MACROD2: variants seen among roughly 807,000 people sequenced by gnomAD.
The protein encoded by MACROD2 is mono-ADP ribosylhydrolase 2, also known as ADP-ribose glycohydrolase MACROD2.
Under a neutral mutation model 70.4 loss-of-function variants are expected in MACROD2, and 36 were observed. The observed-to-expected ratio is 0.51, with a 90% confidence interval of 0.39 to 0.68. The LOEUF is 0.68. Among genes scored for constraint, MACROD2 ranks in the 30% least tolerant of loss-of-function variants. The pLI is 0.00. For synonymous variants in MACROD2, 172 were observed against 178.8 expected (o/e 0.96, Z 0.30); for missense variants, 496 against 538.4 (o/e 0.92, Z 0.78).
intron 5 of MACROD2, among the ~76,000 whole-genome samples, chr20:14,962,557 A>G (rs574481068): frequency 1.9e-3 from 277 of 148,554 alleles, no homozygotes; most frequent in African/African-American, 6.3e-3. Flanking sequence ...CTCTGTCTCT[A>G]TATATATGTG....
At chr20:14,932,961 G>C (rs2074309154) in intron 5 of MACROD2, among the ~76,000 whole-genome samples, 1 of 152,124 alleles carries the variant, frequency 6.6e-6, no homozygotes, top group African/African-American at 2.4e-5. Flanking sequence ...ATTGTAATAT[G>C]ATGCCAGGGT....
chr20:15,152,196 C>T (rs1047857852), intron 5 of MACROD2, among the ~76,000 whole-genome samples: 4 of 151,906 alleles, frequency 2.6e-5, no homozygotes, highest in African/African-American at 9.7e-5. Context: ...GTATTGGGGT[C>T]AAGCGGCATT....
intron 8 of MACROD2, among the ~76,000 whole-genome samples, chr20:15,713,991 A>ACACC (rs372048702): frequency 8.5e-6 from 1 of 117,014 alleles, no homozygotes; most frequent in Non-Finnish European, 1.6e-5. Flanking sequence ...ACATATGCAC[A>ACACC]CACACACACA....
chr20:15,915,762 G>A (rs1020280414), intron 10 of MACROD2, among the ~76,000 whole-genome samples: 79 of 152,218 alleles, frequency 5.2e-4, no homozygotes, highest in African/African-American at 1.8e-3. Context: ...GGGGATGGGT[G>A]GAAGAGGATA....
At chr20:14,012,969 T>A (rs1470311286) in intron 2 of MACROD2, among the ~76,000 whole-genome samples, 1 of 152,214 alleles carries the variant, frequency 6.6e-6, no homozygotes, top group Non-Finnish European at 1.5e-5. Flanking sequence ...CTTGACTGAA[T>A]GGCGCCATGT....
chr20:14,064,702 C>T (rs368535502), intron 2 of MACROD2, among the ~76,000 whole-genome samples: 4 of 152,188 alleles, frequency 2.6e-5, no homozygotes, highest in African/African-American at 7.2e-5. Context: ...GGCTCCCTTT[C>T]AATCCTACTT....
chr20:14,255,670 A>G lies in MACROD2; in HGVS notation c.271+169942A>G, dbSNP rs538579676. Among the ~76,000 whole-genome samples the G allele has an allele frequency of 8.0e-4, 118 of 147,950 alleles. 1 individual carries two copies. In the South Asian group the frequency reaches 0.016, roughly 21 times the overall value. ...CTGCACATTGTGCACATGTACCCTA[A>G]TACTTAAAAGTATAATAAATAAATA... On this transcript the variant is annotated intron_variant, in intron 3 of 17. Transcript: ENST00000684519.
At chr20:15,398,205 T>C (rs1182271397) in intron 6 of MACROD2, among the ~76,000 whole-genome samples, 1 of 152,250 alleles carries the variant, frequency 6.6e-6, no homozygotes, top group Non-Finnish European at 1.5e-5. Flanking sequence ...TCTATTCCTA[T>C]CTACTTTTTG....
intron 3 of MACROD2, among the ~76,000 whole-genome samples, chr20:14,424,749 A>G (rs945773573): frequency 1.3e-5 from 2 of 152,200 alleles, no homozygotes; most frequent in African/African-American, 4.8e-5. Context: ...GCATCCCTGG[A>G]GCCCCAATCT....
chr20:14,847,495 T>G (rs1472051836), intron 5 of MACROD2, among the ~76,000 whole-genome samples: 3 of 151,050 alleles, frequency 2.0e-5, no homozygotes, highest in East Asian at 3.9e-4. Context: ...GTTTTTTTTT[T>G]TTTTTTTTTT....
At chr20:14,071,021 A>T (rs1052733397) in intron 2 of MACROD2, among the ~76,000 whole-genome samples, 1 of 152,076 alleles carries the variant, frequency 6.6e-6, no homozygotes, top group African/African-American at 2.4e-5. Flanking sequence ...AACATCCTTT[A>T]TATTGCTCAG....
intron 15 of MACROD2, among the ~76,000 whole-genome samples, chr20:16,040,123 A>G (rs1000158072): frequency 1.3e-5 from 2 of 151,880 alleles, no homozygotes; most frequent in Non-Finnish European, 2.9e-5. Context: ...CTTGTTTTAT[A>G]TGTCATCAAT....
Position 14,602,961 on chromosome 20 carries a change from A to G in MACROD2, c.302-81882A>G, listed in dbSNP as rs142289369. 2.0e-4 allele frequency among the ~76,000 whole-genome samples: 30 copies of G among 152,316 alleles called. No homozygotes were observed. The East Asian group carries it at 5.8e-3, about 29-fold the overall frequency. The stretch of plus-strand genomic sequence containing the variant: ...GGTAAGAAATGAGCCTTAATTCCTC[A>G]GTACCAAAGAGAGACCAGCATTACC... On this transcript the variant is annotated intron_variant, in intron 4 of 17. Coordinates refer to ENST00000684519, the MANE Select transcript of MACROD2 (RefSeq NM_001351661.2).
At chr20:14,558,740 C>A (rs188989946) in intron 4 of MACROD2, among the ~76,000 whole-genome samples, 1 of 151,698 alleles carries the variant, frequency 6.6e-6, no homozygotes, top group South Asian at 2.1e-4. Flanking sequence ...CCTTACTCCA[C>A]GTATAATAGT....
chr20:15,701,374 T>C (rs902580470), intron 8 of MACROD2, among the ~76,000 whole-genome samples: 2 of 152,202 alleles, frequency 1.3e-5, no homozygotes, highest in African/African-American at 4.8e-5. Context: ...TTAGTGAGAT[T>C]TAAAGAAAAG....
chr20:14,703,242 C>T (rs1350465808), intron 5 of MACROD2, among the ~76,000 whole-genome samples: 2 of 151,932 alleles, frequency 1.3e-5, no homozygotes, highest in Non-Finnish European at 2.9e-5. Flanking sequence ...CCTCCTGGAT[C>T]GGGATTGCTG....
At chr20:15,043,858 C>T (rs1012373083) in intron 5 of MACROD2, among the ~76,000 whole-genome samples, 4 of 152,026 alleles carry the variant, frequency 2.6e-5, no homozygotes, top group African/African-American at 9.7e-5. Flanking sequence ...CTTAATATGA[C>T]CAATTTATTA....
chr20:14,738,677 T>TTATGTA (rs2071697352), intron 5 of MACROD2, among the ~76,000 whole-genome samples: 1 of 151,872 alleles, frequency 6.6e-6, no homozygotes, highest in Admixed American at 6.6e-5. Context: ...AATTATATAT[T>TTATGTA]TATGTATATG....
intron 5 of MACROD2, among the ~76,000 whole-genome samples, chr20:15,169,842 T>C (rs2076411009): frequency 6.6e-6 from 1 of 152,214 alleles, no homozygotes. Flanking sequence ...TGAAGATGAA[T>C]GTATCAGTGA....
Sources: allele counts gnomAD v4.1 joint callset (sites outside exome capture counted in the v4.1 genomes callset), GRCh38; gene constraint gnomAD v4.1.1; transcripts MANE v1.5; gene names NCBI Gene and HGNC (gene_info 2026-07-23, HGNC 2026-07-21).